Variants in GPC3 observed in about 807,000 individuals in gnomAD.
The protein encoded by GPC3 is glypican 3.
In GPC3, 3 loss-of-function variants were observed where a neutral mutation model predicts 34.4. The ratio of observed to expected loss-of-function variants is 0.09; its 90% CI spans 0.04 to 0.23. The LOEUF (loss-of-function observed/expected upper bound fraction) is 0.23. GPC3 is among the 10% of genes least tolerant of loss of function. The pLI, the probability that GPC3 is intolerant of heterozygous loss-of-function variation, is 1.00. For synonymous variants in GPC3, 177 were observed against 174.0 expected (o/e 1.02, Z -0.13); for missense variants, 351 against 445.6 (o/e 0.79, Z 1.91).
At chrX:133,641,212 AC>A (rs1479506163) in intron 6 of GPC3, among the ~76,000 whole-genome samples, 4 of 110,780 alleles carry the variant, frequency 3.6e-5, no homozygotes, top group African/African-American at 1.3e-4. Flanking sequence ...GTGGTGGCTC[AC>A]GCCTGTAATC....
At position 133,800,815 on chromosome X, in the gene GPC3, G is replaced by T. The variant is rs183099253; in HGVS notation, c.338-46639C>A. 2.3e-4 allele frequency among the ~76,000 whole-genome samples: 26 copies of T among 111,767 alleles called. No homozygotes were observed. In the East Asian group the frequency reaches 6.7e-3, roughly 29 times the overall value. The stretch of plus-strand genomic sequence containing the variant: ...GTTCAACTAGATTGAAATGCATCAT[G>T]GAAGAAGACCACCAATGTGTGTGAG... On this transcript the variant is annotated intron_variant, in intron 2 of 7. Coordinates refer to ENST00000370818, the MANE Select transcript of GPC3 (RefSeq NM_004484.4).
intron 2 of GPC3, among the ~76,000 whole-genome samples, chrX:133,798,907 C>T (rs191377285): frequency 8.0e-5 from 9 of 112,062 alleles, no homozygotes; most frequent in Admixed American, 2.8e-4. Context: ...TTTTGCCTCA[C>T]GTCAGCACAT....
At chrX:133,892,361 T>A (rs1201898132) in intron 2 of GPC3, among the ~76,000 whole-genome samples, 1 of 111,376 alleles carries the variant, frequency 9.0e-6, no homozygotes, top group African/African-American at 3.3e-5. Flanking sequence ...GCTCCTTCAC[T>A]ACTCCTTTCT....
intron 6 of GPC3, among the ~76,000 whole-genome samples, chrX:133,615,281 C>T (rs898370501): frequency 4.5e-5 from 5 of 111,352 alleles, no homozygotes; most frequent in African/African-American, 1.6e-4. Flanking sequence ...TAAATATAGA[C>T]ACAAAGATCC....
At chrX:133,635,204 A>C (rs1004834112) in intron 6 of GPC3, among the ~76,000 whole-genome samples, 3 of 112,025 alleles carry the variant, frequency 2.7e-5, no homozygotes, top group Non-Finnish European at 5.6e-5. Flanking sequence ...CTCTGTAGAA[A>C]TTAGTCATTT....
intron 6 of GPC3, among the ~76,000 whole-genome samples, chrX:133,642,974 G>A (rs1401365819): frequency 2.7e-5 from 3 of 111,053 alleles, no homozygotes; most frequent in Admixed American, 9.6e-5. Context: ...AAATACTAAG[G>A]AATTTATTTC....
chrX:133,709,312 C>T (rs990247560), intron 3 of GPC3, among the ~76,000 whole-genome samples: 2 of 111,399 alleles, frequency 1.8e-5, no homozygotes, highest in Non-Finnish European at 3.8e-5. Context: ...TAATTATCAA[C>T]TCTGATCTAG....
At chrX:133,718,878 T>C (rs891500094) in intron 3 of GPC3, among the ~76,000 whole-genome samples, 32 of 111,551 alleles carry the variant, frequency 2.9e-4, no homozygotes, top group Non-Finnish European at 5.3e-4. Context: ...TAAAGATAAA[T>C]GTGTCAATCT....
At chrX:133,862,432 G>A (rs1441459396) in intron 2 of GPC3, among the ~76,000 whole-genome samples, 2 of 107,481 alleles carry the variant, frequency 1.9e-5, no homozygotes, top group Admixed American at 1.0e-4. Flanking sequence ...TGTAATCCCA[G>A]CACTTTGGGA....
intron 2 of GPC3, among the ~76,000 whole-genome samples, chrX:133,781,477 G>A (rs1240756618): frequency 8.9e-6 from 1 of 112,112 alleles, no homozygotes; most frequent in African/African-American, 3.2e-5. Context: ...AGTCTGTCAG[G>A]AGACCAATAA....
In GPC3 at chrX:133,759,931, C is replaced by T. The variant is rs143295061; in HGVS notation, c.338-5755G>A. On this transcript the variant is annotated intron_variant, in intron 2 of 7. Transcript: ENST00000370818. ...ATCCAAAACACTCAAAGAACACTTG[C>T]AATTCAACAGTAAGAAAACAACCCA... Among the ~76,000 whole-genome samples the T allele has an allele frequency of 4.8e-3, 535 of 111,469 alleles. 3 individuals are homozygous for T. Among genetic ancestry groups the T allele is most frequent in the African/African-American group, 0.017 (514 of 30,776 alleles).
At chrX:133,901,618 T>A (rs1399256560) in intron 2 of GPC3, among the ~76,000 whole-genome samples, 1 of 109,928 alleles carries the variant, frequency 9.1e-6, no homozygotes, top group Non-Finnish European at 1.9e-5. Context: ...TTTTTGTATT[T>A]TTAGTAGAGA....
intron 1 of GPC3, 139 bp from the exon 2 acceptor site, chrX:133,953,350 A>G: frequency 1.9e-6 from 1 of 532,415 alleles, no homozygotes; most frequent in Non-Finnish European, 3.3e-6. Flanking sequence ...GAGATACAGT[A>G]AAATTTTGAT....
intron 6 of GPC3, among the ~76,000 whole-genome samples, chrX:133,606,674 T>C (rs865787088): frequency 2.7e-5 from 3 of 111,556 alleles, no homozygotes; most frequent in Non-Finnish European, 3.8e-5. Context: ...TCCTCTCACC[T>C]TGGCCTCACA....
chrX:133,889,831 CTTTTT>C (rs781203121), intron 2 of GPC3, among the ~76,000 whole-genome samples: 1 of 75,805 alleles, frequency 1.3e-5, no homozygotes, highest in East Asian at 4.4e-4. Flanking sequence ...TTCTAGCCTT[CTTTTT>C]TTTTTTTTTT....
intron 2 of GPC3, among the ~76,000 whole-genome samples, chrX:133,767,972 T>C (rs1798685850): frequency 9.2e-6 from 1 of 108,549 alleles, no homozygotes; most frequent in Non-Finnish European, 1.9e-5. Flanking sequence ...GGTGGGGGGG[T>C]AAATCTCCAG....
chrX:133,635,238 C>T (rs2070408602), intron 6 of GPC3, among the ~76,000 whole-genome samples: 1 of 111,250 alleles, frequency 9.0e-6, no homozygotes, highest in African/African-American at 3.3e-5. Context: ...ACTCTTTTAC[C>T]TATGCAAAAT....
At chrX:133,942,632 G>A (rs180714317) in intron 2 of GPC3, among the ~76,000 whole-genome samples, 28 of 111,462 alleles carry the variant, frequency 2.5e-4, no homozygotes, top group Non-Finnish European at 4.9e-4. Flanking sequence ...AATCAGGGTC[G>A]TTTTATTTTC....
chrX:133,818,920 G>T (rs561788389), intron 2 of GPC3, among the ~76,000 whole-genome samples: 178 of 110,298 alleles, frequency 1.6e-3, no homozygotes, highest in African/African-American at 5.6e-3. Flanking sequence ...TGGAAAGTTA[G>T]GATGAAATCA....
Sources: allele counts gnomAD v4.1 joint callset (sites outside exome capture counted in the v4.1 genomes callset), GRCh38; gene constraint gnomAD v4.1.1; transcripts MANE v1.5; gene names NCBI Gene and HGNC (gene_info 2026-07-23, HGNC 2026-07-21).